DPP10: variants seen among roughly 807,000 people sequenced by gnomAD.
DPP10 encodes the protein inactive dipeptidyl peptidase 10.
Under a neutral mutation model 120.9 loss-of-function variants are expected in DPP10, and 33 were observed. The ratio of observed to expected loss-of-function variants is 0.27; its 90% CI spans 0.21 to 0.37. The LOEUF is 0.37. Among genes scored for constraint, DPP10 ranks in the 10% least tolerant of loss-of-function variants. DPP10 has a pLI of 1.00. For missense variants in DPP10, 816 were observed against 942.8 expected (o/e 0.87, Z 1.76); for synonymous variants, 337 against 326.1 (o/e 1.03, Z -0.36).
intron 3 of DPP10, among the ~76,000 whole-genome samples, chr2:115,488,988 A>G (rs888661633): frequency 1.3e-5 from 2 of 152,146 alleles, no homozygotes; most frequent in Non-Finnish European, 2.9e-5. Flanking sequence ...TTGGAAATCC[A>G]AAAGAACAGT....
At chr2:114,551,782 C>G (rs1021210242) in intron 1 of DPP10, among the ~76,000 whole-genome samples, 2 of 152,202 alleles carry the variant, frequency 1.3e-5, no homozygotes, top group African/African-American at 4.8e-5. Flanking sequence ...TCAAATACCT[C>G]CCTTCTTCCC....
intron 1 of DPP10, among the ~76,000 whole-genome samples, chr2:114,800,617 T>C (rs1011790360): frequency 1.3e-5 from 2 of 152,192 alleles, no homozygotes; most frequent in Non-Finnish European, 2.9e-5. Context: ...AGGGGACTGA[T>C]TGTTATTGTT....
intron 5 of DPP10, among the ~76,000 whole-genome samples, chr2:115,624,730 T>C (rs1321514293): frequency 6.6e-6 from 1 of 152,240 alleles, no homozygotes; most frequent in Non-Finnish European, 1.5e-5. Context: ...AACATTGGTC[T>C]AAGGAATGAA....
At chr2:115,191,246 C>T (rs890864931) in intron 1 of DPP10, among the ~76,000 whole-genome samples, 15 of 152,330 alleles carry the variant, frequency 9.8e-5, no homozygotes, top group South Asian at 2.1e-4. Flanking sequence ...CATCCTTGCT[C>T]TTCGGTGTTT....
At chr2:115,189,987 A>G (rs889186234) in intron 1 of DPP10, among the ~76,000 whole-genome samples, 2 of 152,012 alleles carry the variant, frequency 1.3e-5, no homozygotes, top group Non-Finnish European at 2.9e-5. Flanking sequence ...CAGGGGTGGT[A>G]TTGTTTGGAT....
rs70941090 is a variant in DPP10, at chr2:115,712,566, A to ATATATATATATATATATATATATATATAT, written c.577-15250_577-15249insTATATATATATATATATATATATATATAT. On this transcript the variant is annotated intron_variant, in intron 7 of 25. Transcript: ENST00000410059. ...TAAATATATATATATATATATATAT[A>ATATATATATATATATATATATATATATAT]AAGAAACTGTCTTAATTTTATTTAA... Among the ~76,000 whole-genome samples, 361 of 121,414 alleles carry ATATATATATATATATATATATATATATAT rather than the reference A, an allele frequency of 3.0e-3. 1 individual carries two copies. Among genetic ancestry groups the ATATATATATATATATATATATATATATAT allele is most frequent in the Middle Eastern group, 4.6e-3 (1 of 218 alleles). The allele number at this position is 121,414 out of a possible 152,430, so 79.7% of individuals were successfully genotyped here. A position where few individuals can be genotyped will look rare whatever the true frequency, so the allele number is the denominator to read the frequency against.
intron 17 of DPP10, among the ~76,000 whole-genome samples, chr2:115,787,286 T>C (rs922736347): frequency 3.9e-5 from 6 of 151,968 alleles, no homozygotes; most frequent in Admixed American, 3.9e-4. Context: ...GATTAGTGAA[T>C]AGAAACAAAC....
At chr2:114,819,470 GAAAAAT>G (rs1305526242) in intron 1 of DPP10, among the ~76,000 whole-genome samples, 4 of 151,978 alleles carry the variant, frequency 2.6e-5, no homozygotes, top group South Asian at 4.2e-4. Flanking sequence ...GAAATATCAT[GAAAAAT>G]AAAAATAAAA....
chr2:115,084,779 C>A (rs533147191), intron 1 of DPP10, among the ~76,000 whole-genome samples: 1 of 152,272 alleles, frequency 6.6e-6, no homozygotes, highest in East Asian at 1.9e-4. Context: ...AGAGCTGCTT[C>A]ACTTCTAATA....
intron 1 of DPP10, among the ~76,000 whole-genome samples, chr2:115,247,355 G>T (rs1013183587): frequency 2.0e-5 from 3 of 152,124 alleles, no homozygotes; most frequent in African/African-American, 7.2e-5. Flanking sequence ...TTGTGGGAGG[G>T]AATGTGATGC....
At chr2:115,629,973 C>T (rs556645211) in intron 5 of DPP10, among the ~76,000 whole-genome samples, 6 of 151,804 alleles carry the variant, frequency 4.0e-5, no homozygotes, top group South Asian at 2.1e-4. Flanking sequence ...GGAATAACAT[C>T]GAATGTATAA....
At chr2:114,617,906 A>G (rs567712709) in intron 1 of DPP10, among the ~76,000 whole-genome samples, 1 of 152,210 alleles carries the variant, frequency 6.6e-6, no homozygotes, top group South Asian at 2.1e-4. Flanking sequence ...GGCAGTACCC[A>G]CTTGAAGCAA....
At chr2:115,389,264 C>T (rs2067163021) in intron 3 of DPP10, among the ~76,000 whole-genome samples, 1 of 98,382 alleles carries the variant, frequency 1.0e-5, no homozygotes, top group African/African-American at 4.0e-5. Flanking sequence ...TTTTACTAAA[C>T]ACACACACAC....
chr2:115,702,693 G>A (rs1025406839), intron 7 of DPP10, among the ~76,000 whole-genome samples: 2 of 152,070 alleles, frequency 1.3e-5, no homozygotes, highest in Admixed American at 6.6e-5. Context: ...CTTACAGTTG[G>A]AAGGATTGAG....
intron 1 of DPP10, chr2:114,833,733 A>T (rs932793910): frequency 9.2e-5 from 14 of 152,202 alleles, no homozygotes; most frequent in African/African-American, 3.4e-4. Flanking sequence ...TACTGTCAGG[A>T]TGACATAAAG....
chr2:115,055,911 T>A (rs1322963756), intron 1 of DPP10, among the ~76,000 whole-genome samples: 1 of 152,062 alleles, frequency 6.6e-6, no homozygotes, highest in Admixed American at 6.5e-5. Flanking sequence ...CATATTGGAC[T>A]CACTCTTAAA....
chr2:115,114,312 A>G (rs1234869071), intron 1 of DPP10, among the ~76,000 whole-genome samples: 1 of 152,210 alleles, frequency 6.6e-6, no homozygotes, highest in African/African-American at 2.4e-5. Flanking sequence ...TTATCTTTAC[A>G]TATTTATTCT....
At chr2:115,563,052 G>C (rs1023911013) in intron 5 of DPP10, among the ~76,000 whole-genome samples, 3 of 152,220 alleles carry the variant, frequency 2.0e-5, no homozygotes, top group Non-Finnish European at 4.4e-5. Flanking sequence ...TCATGGGTAT[G>C]TATCAGTAAC....
intron 5 of DPP10, among the ~76,000 whole-genome samples, chr2:115,653,015 A>G (rs551329019): frequency 7.2e-5 from 11 of 151,818 alleles, no homozygotes; most frequent in Non-Finnish European, 1.2e-4. Context: ...TGTTCTAATT[A>G]TATTTTACAG....
Sources: gnomAD v4.1 joint callset for allele counts (sites outside exome capture counted in the v4.1 genomes callset) on GRCh38, gnomAD v4.1.1 for gene constraint, MANE v1.5 for transcripts, NCBI Gene and HGNC (gene_info 2026-07-23, HGNC 2026-07-21) for gene names.